The following CDH13 variants were observed in gnomAD, a reference collection of about 807,000 sequenced individuals.
The protein encoded by CDH13 is cadherin 13, also known as cadherin-13.
In CDH13, 24 loss-of-function variants were observed where a neutral mutation model predicts 63.8. The ratio of observed to expected loss-of-function variants is 0.38; its 90% CI spans 0.27 to 0.53. The LOEUF (loss-of-function observed/expected upper bound fraction) is 0.53, where lower values mean the gene tolerates loss of function less well. Among genes scored for constraint, CDH13 ranks in the 20% least tolerant of loss-of-function variants. The probability of loss-of-function intolerance (pLI) is 0.85; values close to 1 mark genes in which losing one functional copy is unlikely to be tolerated. For synonymous variants in CDH13, 503 were observed against 355.3 expected, an observed-to-expected ratio of 1.42 and a Z score of -4.67; for missense variants, 1,049 against 903.1, an observed-to-expected ratio of 1.16 and a Z score of -2.07.
chr16:82,755,403 T>C (rs535397193), intron 1 of CDH13, among the ~76,000 whole-genome samples: 8 of 152,158 alleles, frequency 5.3e-5, no homozygotes, highest in Non-Finnish European at 8.8e-5. Context: ...TTTGGGAAGA[T>C]TAGAAAAGGG....
At chr16:83,727,471 C>T (rs571317571) in intron 10 of CDH13, among the ~76,000 whole-genome samples, 1 of 151,922 alleles carries the variant, frequency 6.6e-6, no homozygotes, top group Admixed American at 6.6e-5. Context: ...CCCAGCACAT[C>T]TTCTTCTGCT....
At chr16:83,297,460 G>C (rs894664930) in intron 5 of CDH13, among the ~76,000 whole-genome samples, 1 of 152,194 alleles carries the variant, frequency 6.6e-6, no homozygotes, top group Non-Finnish European at 1.5e-5. Flanking sequence ...GAAAGACTGA[G>C]TGGGACGCAA....
intron 2 of CDH13, among the ~76,000 whole-genome samples, chr16:82,942,505 A>G (rs1904301734): frequency 6.6e-6 from 1 of 152,200 alleles, no homozygotes. Flanking sequence ...CTAAGGGAAG[A>G]GGGTCAGAGT....
At chr16:83,663,071 C>G (rs974792289) in intron 8 of CDH13, among the ~76,000 whole-genome samples, 1 of 152,152 alleles carries the variant, frequency 6.6e-6, no homozygotes, top group Non-Finnish European at 1.5e-5. Context: ...AAAAAATGGC[C>G]ACCCCTTGCA....
intron 3 of CDH13, among the ~76,000 whole-genome samples, chr16:83,120,211 A>G (rs2035503398): frequency 6.6e-6 from 1 of 152,186 alleles, no homozygotes; most frequent in Non-Finnish European, 1.5e-5. Flanking sequence ...TCCACGGATT[A>G]ACACAATTGT....
At chr16:83,062,990 T>C (rs1344928122) in intron 3 of CDH13, among the ~76,000 whole-genome samples, 1 of 142,446 alleles carries the variant, frequency 7.0e-6, no homozygotes, top group African/African-American at 2.6e-5. Context: ...TGAGTCAGAG[T>C]ATTGCTCTAT....
intron 1 of CDH13, among the ~76,000 whole-genome samples, chr16:82,661,173 AT>A (rs1381298418): frequency 1.3e-5 from 2 of 152,148 alleles, no homozygotes; most frequent in African/African-American, 4.8e-5. Context: ...CAAACGGCTC[AT>A]TGTTTACGCT....
intron 4 of CDH13, among the ~76,000 whole-genome samples, chr16:83,173,214 C>T (rs1031649079): frequency 6.6e-6 from 1 of 152,148 alleles, no homozygotes; most frequent in Non-Finnish European, 1.5e-5. Context: ...CCTGGTCATA[C>T]ACTCTGCTGG....
intron 5 of CDH13, among the ~76,000 whole-genome samples, chr16:83,338,195 A>AAAAC (rs1567602008): frequency 6.6e-6 from 1 of 151,464 alleles, no homozygotes; most frequent in East Asian, 1.9e-4. Context: ...AAAAAAAAAA[A>AAAAC]AAAAAAAACA....
At chr16:83,670,754 C>T (rs377579143) in intron 8 of CDH13, 36 bp from the exon 9 acceptor site, 87 of 1,602,696 alleles carry the variant, frequency 5.4e-5, no homozygotes, top group Non-Finnish European at 6.8e-5. Flanking sequence ...TATGTGTTTT[C>T]AAAATAGTGA....
At position 83,355,498 on chromosome 16, in the gene CDH13, A is replaced by G. The variant is rs142048799; in HGVS notation, c.781+10492A>G. On this transcript the variant is annotated intron_variant, in intron 6 of 13. Coordinates refer to ENST00000567109, the MANE Select transcript of CDH13 (RefSeq NM_001257.5). ...GTCCCAGGCACAAATTATCCACCCA[A>G]TAAATTCCACTGGATGAACAAATGG... Among the ~76,000 whole-genome samples, 218 of 152,338 alleles carry G rather than the reference A, an allele frequency of 1.4e-3. 1 individual carries two copies. The highest frequency in any genetic ancestry group is 4.9e-3 in the African/African-American group (203 of 41,584).
chr16:83,172,704 C>A (rs1040043045), intron 4 of CDH13, among the ~76,000 whole-genome samples: 8 of 152,030 alleles, frequency 5.3e-5, no homozygotes, highest in African/African-American at 1.9e-4. Context: ...CAATCAATTT[C>A]TGTTGCTTAA....
At chr16:83,113,972 ATGTT>A (rs58455035) in intron 3 of CDH13, among the ~76,000 whole-genome samples, 7,661 of 152,198 alleles carry the variant, frequency 0.05, 278 homozygotes, top group African/African-American at 0.099. Context: ...GGGGAGAAGA[ATGTT>A]TGTAAAAGAT....
intron 1 of CDH13, among the ~76,000 whole-genome samples, chr16:82,710,437 C>G (rs1219963981): frequency 7.1e-6 from 1 of 141,760 alleles, no homozygotes; most frequent in African/African-American, 2.6e-5. Flanking sequence ...GAGGCTGAGA[C>G]AGGAGAATGG....
chr16:83,191,504 T>C (rs61243034), intron 4 of CDH13, among the ~76,000 whole-genome samples: 6,963 of 93,546 alleles, frequency 0.074, 503 homozygotes, highest in East Asian at 0.32. Context: ...TATATATATA[T>C]ACACACACAC....
At chr16:83,172,690 G>A (rs754753370) in intron 4 of CDH13, among the ~76,000 whole-genome samples, 38 of 152,072 alleles carry the variant, frequency 2.5e-4, no homozygotes, top group Middle Eastern at 6.8e-3. Flanking sequence ...CCATCACTGT[G>A]AGACAATCAA....
chr16:82,834,854 C>T (rs183292285), intron 1 of CDH13, among the ~76,000 whole-genome samples: 145 of 152,310 alleles, frequency 9.5e-4, no homozygotes, highest in Admixed American at 1.5e-3. Flanking sequence ...ATGGTTTTTA[C>T]ATTTTTAAGT....
intron 1 of CDH13, among the ~76,000 whole-genome samples, chr16:82,801,692 G>A (rs972395524): frequency 4.6e-5 from 7 of 152,176 alleles, no homozygotes; most frequent in Non-Finnish European, 7.3e-5. Flanking sequence ...CAGCCTCTTC[G>A]TCTACCCGTA....
intron 5 of CDH13, among the ~76,000 whole-genome samples, chr16:83,330,052 G>A (rs1257047684): frequency 6.6e-6 from 1 of 152,190 alleles, no homozygotes; most frequent in African/African-American, 2.4e-5. Flanking sequence ...CCAGAAATGG[G>A]ATGCAAATTA....
Sources: allele counts gnomAD v4.1 joint callset (sites outside exome capture counted in the v4.1 genomes callset), GRCh38; gene constraint gnomAD v4.1.1; transcripts MANE v1.5; gene names NCBI Gene and HGNC (gene_info 2026-07-23, HGNC 2026-07-21).